Variants in SLC44A1 observed in about 807,000 individuals in gnomAD.
SLC44A1 encodes solute carrier family 44 member 1.
SLC44A1 carries 26 observed loss-of-function variants against 79.3 expected under a neutral mutation model. The observed-to-expected ratio is 0.33, with a 90% CI of 0.24 to 0.46. The LOEUF is 0.46. SLC44A1 is among the 20% of genes least tolerant of loss of function. SLC44A1 has a pLI of 1.00. For synonymous variants in SLC44A1, 263 were observed against 286.2 expected (o/e 0.92, Z 0.82); for missense variants, 688 against 798.1 (o/e 0.86, Z 1.66).
At chr9:105,411,475 TGTGTGTGC>T (rs970166410) in intron 15 of SLC44A1, among the ~76,000 whole-genome samples, 6 of 148,356 alleles carry the variant, frequency 4.0e-5, no homozygotes, top group African/African-American at 1.6e-4. Context: ...TGTGTGTGTG[TGTGTGTGC>T]GTGTGCATTT....
At chr9:105,409,146 T>C (rs1187569592) in intron 15 of SLC44A1, among the ~76,000 whole-genome samples, 1 of 152,210 alleles carries the variant, frequency 6.6e-6, no homozygotes, top group African/African-American at 2.4e-5. Context: ...GCAGAGTTAG[T>C]GGCATAGATT....
chr9:105,343,971 G>T (rs1827175918), intron 4 of SLC44A1, among the ~76,000 whole-genome samples: 1 of 152,220 alleles, frequency 6.6e-6, no homozygotes. Flanking sequence ...CTTGGGAATT[G>T]CAAATATGTC....
At position 105,288,503 on chromosome 9, in the gene SLC44A1, C is replaced by T. The variant is rs12336768; in HGVS notation, c.37-10717C>T. Among the ~76,000 whole-genome samples, 861 of 152,212 alleles carry T rather than the reference C, an allele frequency of 5.7e-3. 9 individuals carry two copies. The highest frequency in any genetic ancestry group is 0.02 in the African/African-American group (833 of 41,530). ...AGCTAGGACCACAGGTGTGTGCCAC[C>T]ACACCTGGCTAATTTTTTAATTATT... On this transcript the variant is annotated intron_variant, in intron 1 of 15. Coordinates refer to ENST00000374720, the MANE Select transcript of SLC44A1 (RefSeq NM_080546.5).
intron 15 of SLC44A1, among the ~76,000 whole-genome samples, chr9:105,416,267 A>G (rs149034099): frequency 6.6e-6 from 1 of 151,982 alleles, no homozygotes; most frequent in Non-Finnish European, 1.5e-5. Flanking sequence ...GCTAATTCTT[A>G]TCTGACATCA....
At chr9:105,251,935 CG>C (rs1169607853) in intron 1 of SLC44A1, among the ~76,000 whole-genome samples, 1 of 152,070 alleles carries the variant, frequency 6.6e-6, no homozygotes, top group African/African-American at 2.4e-5. Flanking sequence ...GACTAGGTGG[CG>C]GCAAACTACA....
In SLC44A1 at chr9:105,351,534, A is replaced by G. The variant is rs1269681262; in HGVS notation, c.500+3083A>G. Among the ~76,000 whole-genome samples the G allele has an allele frequency of 2.9e-4, 35 of 121,868 alleles. 1 individual carries two copies. The highest frequency in any genetic ancestry group is 3.2e-4 in the African/African-American group (8 of 25,114). 80.0% of individuals were successfully genotyped at this position (121,868 alleles called of 152,430 possible). On this transcript the variant is annotated intron_variant, in intron 5 of 15. Transcript: ENST00000374720. ...GGCAACAGAGCAAGACCCTGTCTGA[A>G]AGAAAGAAAGAAAGAAAGAAAGAGA...
chr9:105,307,911 G>A lies in SLC44A1; in HGVS notation c.127-1813G>A, dbSNP rs117334066. Among the ~76,000 whole-genome samples the A allele has an allele frequency of 5.7e-3, 872 of 152,268 alleles. 3 individuals are homozygous for A. Among genetic ancestry groups the A allele is most frequent in the Non-Finnish European group, 9.1e-3 (622 of 68,018 alleles). Reference sequence around the variant, plus strand: ...TTGGAGGAGTCAGGAGAGGGGGAGAGGGGCAACAGGGTGAGTGTGAATGAG... The same window carrying A: ...TTGGAGGAGTCAGGAGAGGGGGAGAAGGGCAACAGGGTGAGTGTGAATGAG... On this transcript the variant is annotated intron_variant, in intron 2 of 15. Transcript: ENST00000374720.
rs373103494 is a variant in SLC44A1, at chr9:105,278,334, C to T, written c.37-20886C>T. 8.9e-4 allele frequency among the ~76,000 whole-genome samples: 136 copies of T among 152,188 alleles called. 1 individual carries two copies. In the South Asian group the frequency reaches 0.014, roughly 15 times the overall value. On this transcript the variant is annotated intron_variant, in intron 1 of 15. Coordinates refer to ENST00000374720, the MANE Select transcript of SLC44A1 (RefSeq NM_080546.5). ...TGCGGTCTTGGCTCACTGCAAACTC[C>T]GCCTCCCGGGTTCACACCATTCTCC...
chr9:105,422,152 G>T (rs79533400), intron 15 of SLC44A1, among the ~76,000 whole-genome samples: 3,787 of 152,160 alleles, frequency 0.025, 137 homozygotes, highest in African/African-American at 0.086. Flanking sequence ...AGGTACTCAA[G>T]CCAAGTAGTT....
At chr9:105,362,071 C>CGTGT (rs1303418128) in intron 8 of SLC44A1, among the ~76,000 whole-genome samples, 26 of 151,292 alleles carry the variant, frequency 1.7e-4, no homozygotes, top group African/African-American at 6.3e-4. Flanking sequence ...TGCGCGCGCG[C>CGTGT]GCGTGTGTGT....
At chr9:105,247,401 G>T (rs1462053312) in intron 1 of SLC44A1, among the ~76,000 whole-genome samples, 3 of 152,140 alleles carry the variant, frequency 2.0e-5, no homozygotes, top group African/African-American at 7.2e-5. Flanking sequence ...GGGTTCGAGC[G>T]ATTTTCCTGC....
intron 1 of SLC44A1, among the ~76,000 whole-genome samples, chr9:105,290,667 C>T (rs1439378866): frequency 6.6e-6 from 1 of 152,200 alleles, no homozygotes; most frequent in Non-Finnish European, 1.5e-5. Flanking sequence ...AACAGGCCCA[C>T]AATTATTTTT....
chr9:105,387,852 C>G (rs1409721688), intron 15 of SLC44A1, among the ~76,000 whole-genome samples: 1 of 152,122 alleles, frequency 6.6e-6, no homozygotes, highest in African/African-American at 2.4e-5. Flanking sequence ...AGGTAATAAT[C>G]CTGGGAGAAT....
chr9:105,436,286 A>G (rs1019008900), intron 15 of SLC44A1, among the ~76,000 whole-genome samples: 4 of 152,268 alleles, frequency 2.6e-5, no homozygotes, highest in African/African-American at 9.6e-5. Flanking sequence ...CAACTTTGGC[A>G]TAAGCCTAGT....
At position 105,395,773 on chromosome 9, in the gene SLC44A1, A is replaced by AT. The variant is rs1239284997; in HGVS notation, c.*6717_*6718insT. ...TGTTAAATCATATGAGTAAAAAAAAAGTAGACATTGAAAAGAAGACTTGGG... is the reference window on the plus strand; with the variant it reads ...TGTTAAATCATATGAGTAAAAAAAAATGTAGACATTGAAAAGAAGACTTGGG... On this transcript the variant is annotated 3_prime_UTR_variant, in exon 16 of 16. Transcript: ENST00000374720. 3 of 985,214 alleles carry AT rather than the reference A, an allele frequency of 3.0e-6. No homozygotes were observed. In the East Asian group the frequency reaches 3.4e-4, roughly 112 times the overall value. 61.0% of individuals were successfully genotyped at this position (985,214 alleles called of 1,614,324 possible).
chr9:105,266,851 G>A lies in SLC44A1; in HGVS notation c.36+21947G>A, dbSNP rs561024645. ...GTTAATATCTACAAAAAATTTTGCTGCGATTTTGATTTGGCTTGCATTGAA... is the reference window on the plus strand; with the variant it reads ...GTTAATATCTACAAAAAATTTTGCTACGATTTTGATTTGGCTTGCATTGAA... On this transcript the variant is annotated intron_variant, in intron 1 of 15. Transcript: ENST00000374720. Among the ~76,000 whole-genome samples the A allele has an allele frequency of 1.4e-4, 21 of 152,274 alleles. 1 individual carries two copies. In the South Asian group the frequency reaches 3.5e-3, roughly 26 times the overall value.
At chr9:105,264,018 A>G (rs1829903316) in intron 1 of SLC44A1, among the ~76,000 whole-genome samples, 1 of 152,042 alleles carries the variant, frequency 6.6e-6, no homozygotes. Context: ...AATTTTTGAC[A>G]TTAATTTTGG....
downstream of SLC44A1, among the ~76,000 whole-genome samples, chr9:105,398,329 T>A (rs1283154402): frequency 1.3e-5 from 2 of 152,314 alleles, no homozygotes; most frequent in East Asian, 3.9e-4. Context: ...CTGATGATAG[T>A]CCTGGTTGTT....
At chr9:105,407,939 G>A (rs984005616) in intron 15 of SLC44A1, among the ~76,000 whole-genome samples, 1 of 151,918 alleles carries the variant, frequency 6.6e-6, no homozygotes, top group Middle Eastern at 3.2e-3. Context: ...GGCCGAGGCA[G>A]GTGGATCACC....
Sources: gnomAD v4.1 joint callset for allele counts (sites outside exome capture counted in the v4.1 genomes callset) on GRCh38, gnomAD v4.1.1 for gene constraint, MANE v1.5 for transcripts, NCBI Gene and HGNC (gene_info 2026-07-23, HGNC 2026-07-21) for gene names.